Variants in CSMD1 observed in about 807,000 individuals in gnomAD.
CSMD1 encodes the protein CUB and sushi domain-containing protein 1.
In CSMD1, 213 loss-of-function variants were observed where a neutral mutation model predicts 417.5. The ratio of observed to expected loss-of-function variants is 0.51; its 90% CI spans 0.46 to 0.57. The LOEUF is 0.57. Among genes scored for constraint, CSMD1 ranks in the 20% least tolerant of loss-of-function variants. The pLI, the probability that CSMD1 is intolerant of heterozygous loss-of-function variation, is 0.00. For missense variants in CSMD1, 6,923 were observed against 4,529.7 expected, an observed-to-expected ratio of 1.53 and a Z score of -15.17; for synonymous variants, 2,862 against 1,736.8, an observed-to-expected ratio of 1.65 and a Z score of -16.11.
At chr8:3,543,236 G>A (rs570659558) in intron 10 of CSMD1, among the ~76,000 whole-genome samples, 6 of 152,304 alleles carry the variant, frequency 3.9e-5, no homozygotes, top group East Asian at 3.9e-4. Context: ...GAGAAGCCCA[G>A]GATGTGACGT....
At chr8:4,979,225 G>C (rs1810738180) in intron 1 of CSMD1, among the ~76,000 whole-genome samples, 1 of 151,952 alleles carries the variant, frequency 6.6e-6, no homozygotes, top group South Asian at 2.1e-4. Context: ...TTTTTTTTTA[G>C]TTGCAGTAAT....
intron 10 of CSMD1, among the ~76,000 whole-genome samples, chr8:3,539,960 A>G (rs1798369311): frequency 6.6e-6 from 1 of 152,178 alleles, no homozygotes; most frequent in Admixed American, 6.5e-5. Context: ...AATTGTAGCT[A>G]GTTTGAGAAA....
At chr8:4,980,490 TA>T (rs1810829371) in intron 1 of CSMD1, among the ~76,000 whole-genome samples, 1 of 152,172 alleles carries the variant, frequency 6.6e-6, no homozygotes. Flanking sequence ...AGAAACACTG[TA>T]AAATGAAAGG....
chr8:4,025,058 A>G (rs187627410), intron 4 of CSMD1, among the ~76,000 whole-genome samples: 1 of 152,202 alleles, frequency 6.6e-6, no homozygotes, highest in African/African-American at 2.4e-5. Flanking sequence ...CATCAGACTA[A>G]TACTCACAAA....
At chr8:3,479,446 A>G (rs1185030592) in intron 11 of CSMD1, among the ~76,000 whole-genome samples, 1 of 151,968 alleles carries the variant, frequency 6.6e-6, no homozygotes, top group African/African-American at 2.4e-5. Context: ...ATGCCCAGCT[A>G]ATTTTGTACT....
intron 3 of CSMD1, among the ~76,000 whole-genome samples, chr8:4,183,572 T>G (rs1378311549): frequency 1.3e-5 from 2 of 152,202 alleles, no homozygotes; most frequent in African/African-American, 4.8e-5. Flanking sequence ...CCTTTAAAAT[T>G]TGAACTTAAG....
At chr8:4,988,782 G>A (rs1381379882) in intron 1 of CSMD1, among the ~76,000 whole-genome samples, 2 of 152,214 alleles carry the variant, frequency 1.3e-5, no homozygotes, top group African/African-American at 4.8e-5. Context: ...GCTCAGAAAA[G>A]AGAACTGTTT....
At chr8:3,247,612 A>C (rs1799968972) in intron 26 of CSMD1, among the ~76,000 whole-genome samples, 2 of 152,318 alleles carry the variant, frequency 1.3e-5, no homozygotes, top group African/African-American at 2.4e-5. Flanking sequence ...GGAGAACATC[A>C]GCCAGAGGTG....
chr8:3,790,394 T>A (rs1430379531), intron 5 of CSMD1, among the ~76,000 whole-genome samples: 1 of 152,106 alleles, frequency 6.6e-6, no homozygotes, highest in Non-Finnish European at 1.5e-5. Flanking sequence ...ATGGTGATGT[T>A]TGACAGTTAT....
At chr8:3,767,920 T>C (rs1157231475) in intron 5 of CSMD1, among the ~76,000 whole-genome samples, 2 of 152,164 alleles carry the variant, frequency 1.3e-5, no homozygotes, top group Non-Finnish European at 2.9e-5. Context: ...CTTCTTAGCT[T>C]TTTTCCACTT....
chr8:2,978,576 G>C, intron 55 of CSMD1, 36 bp downstream of exon 55: 1 of 1,509,748 alleles, frequency 6.6e-7, no homozygotes, highest in East Asian at 2.5e-5. Context: ...CCTTGCAGGG[G>C]TCTCTGCACA....
intron 37 of CSMD1, among the ~76,000 whole-genome samples, chr8:3,176,128 G>A (rs190551183): frequency 2.8e-4 from 42 of 152,208 alleles, no homozygotes; most frequent in Admixed American, 1.6e-3. Context: ...AAGCTGAATC[G>A]TAATAATAGT....
intron 7 of CSMD1, among the ~76,000 whole-genome samples, chr8:3,652,521 A>G (rs1009345205): frequency 8.5e-5 from 13 of 152,230 alleles, no homozygotes; most frequent in African/African-American, 3.1e-4. Flanking sequence ...ATGGACTCAC[A>G]TTTCAGCATG....
intron 7 of CSMD1, among the ~76,000 whole-genome samples, chr8:3,663,553 C>T (rs1003274528): frequency 1.3e-5 from 2 of 152,202 alleles, no homozygotes; most frequent in African/African-American, 2.4e-5. Context: ...TACGGCCAAC[C>T]TGCCTCCAAC....
chr8:3,455,785 C>T (rs1230691981), intron 12 of CSMD1, among the ~76,000 whole-genome samples: 2 of 152,238 alleles, frequency 1.3e-5, no homozygotes, highest in Non-Finnish European at 2.9e-5. Flanking sequence ...GGCAGTCTGT[C>T]TGTTCTCAGA....
At chr8:4,351,329 A>G (rs1801079366) in intron 3 of CSMD1, among the ~76,000 whole-genome samples, 1 of 152,210 alleles carries the variant, frequency 6.6e-6, no homozygotes, top group African/African-American at 2.4e-5. Flanking sequence ...CAGCTATATA[A>G]AAACATTCAA....
rs1803116263 is a variant in CSMD1 at position 4,252,020 on chromosome 8, G to C, written c.415+167933C>G. 2.6e-5 allele frequency among the ~76,000 whole-genome samples: 4 copies of C among 152,084 alleles called. No homozygotes were observed. In the South Asian group the frequency reaches 8.3e-4, roughly 32 times the overall value. On this transcript the variant is annotated intron_variant, in intron 3 of 69. Coordinates refer to ENST00000635120, the MANE Select transcript of CSMD1 (RefSeq NM_033225.6). ...AAGCATAGAGAACTTACGTATTTTT[G>C]AGTTGTGTTTACTTGAATTTCTTTA...
At chr8:3,368,933 C>T (rs188517517) in intron 19 of CSMD1, among the ~76,000 whole-genome samples, 2 of 152,212 alleles carry the variant, frequency 1.3e-5, no homozygotes, top group Non-Finnish European at 1.5e-5. Flanking sequence ...TCGCTTATTT[C>T]CCTTTATTTA....
chr8:4,759,675 G>A (rs1023314583), intron 1 of CSMD1, among the ~76,000 whole-genome samples: 3 of 152,066 alleles, frequency 2.0e-5, no homozygotes, highest in African/African-American at 7.2e-5. Flanking sequence ...TTTGGTTTTC[G>A]GTTGCTGCAT....
Sources: allele counts gnomAD v4.1 joint callset (sites outside exome capture counted in the v4.1 genomes callset), GRCh38; gene constraint gnomAD v4.1.1; transcripts MANE v1.5; gene names NCBI Gene and HGNC (gene_info 2026-07-23, HGNC 2026-07-21).